PCDH15: variants seen among roughly 807,000 people sequenced by gnomAD.
PCDH15 encodes the protein protocadherin related 15.
PCDH15 carries 129 observed loss-of-function variants against 178.5 expected under a neutral mutation model. The observed-to-expected ratio is 0.72, with a 90% CI of 0.63 to 0.84. The LOEUF (loss-of-function observed/expected upper bound fraction) is 0.84. Ranked by LOEUF, PCDH15 falls within the 40% of genes least tolerant of loss-of-function variation. PCDH15 has a pLI of 0.00. For synonymous variants in PCDH15, 800 were observed against 732.0 expected, an observed-to-expected ratio of 1.09 and a Z score of -1.50; for missense variants, 2,230 against 2,099.9, an observed-to-expected ratio of 1.06 and a Z score of -1.21.
chr10:55,449,012 T>C (rs1839376696), intron 2 of PCDH15, among the ~76,000 whole-genome samples: 1 of 152,064 alleles, frequency 6.6e-6, no homozygotes, highest in African/African-American at 2.4e-5. Context: ...TTAATCCCAA[T>C]GTGTGCTAAT....
intron 2 of PCDH15, among the ~76,000 whole-genome samples, chr10:55,100,628 G>A (rs930356142): frequency 3.9e-5 from 6 of 152,084 alleles, no homozygotes; most frequent in African/African-American, 1.4e-4. Flanking sequence ...AGCAAGAGAG[G>A]GAGAGGTGTT....
At position 54,062,893 on chromosome 10, in the gene PCDH15, AAATT is replaced by A. The variant is rs1291743762; in HGVS notation, c.2220+3860_2220+3863del. On this transcript the variant is annotated intron_variant, in intron 18 of 37. Coordinates refer to ENST00000644397, the MANE Select transcript of PCDH15 (RefSeq NM_001384140.1). ...TGGGCTTTATCTCTCCAAGCTAAAT[AAATT>A]AAGAAAATGGGAAAGATCATTTTTG... 2.0e-5 allele frequency among the ~76,000 whole-genome samples: 3 copies of A among 152,344 alleles called. No homozygotes were observed. The South Asian group carries it at 6.2e-4, about 32-fold the overall frequency.
intron 7 of PCDH15, among the ~76,000 whole-genome samples, chr10:54,322,200 T>C (rs1033834115): frequency 1.3e-5 from 2 of 151,870 alleles, no homozygotes; most frequent in African/African-American, 4.8e-5. Flanking sequence ...AAATTGTGAG[T>C]GGTAAAAAAT....
rs148600175 is a variant in PCDH15 at position 55,292,392 on chromosome 10, G to A, written c.-156+27207C>T. Among the ~76,000 whole-genome samples the A allele has an allele frequency of 9.6e-3, 1,466 of 152,076 alleles. 23 individuals carry two copies. Among genetic ancestry groups the A allele is most frequent in the African/African-American group, 0.032 (1,338 of 41,498 alleles). ...ATTTTATTTTATTTTATTTCATGTTGTTTTTTGAGATGGAGTCTCACTCTT... is the reference window on the plus strand; with the variant it reads ...ATTTTATTTTATTTTATTTCATGTTATTTTTTGAGATGGAGTCTCACTCTT... On this transcript the variant is annotated intron_variant, in intron 1 of 5. Coordinates refer to the PCDH15 transcript ENST00000458638.
intron 2 of PCDH15, among the ~76,000 whole-genome samples, chr10:55,151,634 T>C (rs1838716862): frequency 6.6e-6 from 1 of 152,122 alleles, no homozygotes; most frequent in African/African-American, 2.4e-5. Context: ...AAAAATTTAA[T>C]AGTGAATCAC....
intron 1 of PCDH15, among the ~76,000 whole-genome samples, chr10:54,709,662 T>C (rs935311462): frequency 8.3e-6 from 1 of 121,074 alleles, no homozygotes; most frequent in Non-Finnish European, 1.8e-5. Flanking sequence ...TACATATTAA[T>C]GTATAGTTAT....
At chr10:54,048,131 G>GT (rs534104233) in intron 18 of PCDH15, among the ~76,000 whole-genome samples, 57 of 151,982 alleles carry the variant, frequency 3.8e-4, no homozygotes, top group Non-Finnish European at 7.1e-4. Flanking sequence ...TCTCATTCTG[G>GT]TTTTGATATG....
intron 2 of PCDH15, among the ~76,000 whole-genome samples, chr10:55,139,835 A>T: frequency 6.6e-6 from 1 of 151,966 alleles, no homozygotes; most frequent in Non-Finnish European, 1.5e-5. Flanking sequence ...GTATTTTAGT[A>T]TGAATTTGTC....
At chr10:55,007,954 G>T (rs1271713171) in intron 2 of PCDH15, among the ~76,000 whole-genome samples, 1 of 151,960 alleles carries the variant, frequency 6.6e-6, no homozygotes, top group Non-Finnish European at 1.5e-5. Context: ...ACTTATAAAA[G>T]ACATTTTAGA....
At chr10:55,402,588 C>T (rs1255724785) in intron 2 of PCDH15, among the ~76,000 whole-genome samples, 2 of 151,932 alleles carry the variant, frequency 1.3e-5, no homozygotes, top group South Asian at 2.1e-4. Flanking sequence ...TCTTTCTGTG[C>T]CTGGCTTATT....
chr10:55,481,323 C>A (rs1018631659), intron 2 of PCDH15, among the ~76,000 whole-genome samples: 6 of 151,456 alleles, frequency 4.0e-5, no homozygotes, highest in African/African-American at 1.5e-4. Context: ...TTTTTAGTGT[C>A]CCTGTCTCCT....
At chr10:54,831,440 T>C (rs1953226182) in intron 3 of PCDH15, among the ~76,000 whole-genome samples, 1 of 152,112 alleles carries the variant, frequency 6.6e-6, no homozygotes, top group African/African-American at 2.4e-5. Flanking sequence ...TCACATTATT[T>C]TTTTCTATTT....
intron 2 of PCDH15, among the ~76,000 whole-genome samples, chr10:55,453,133 C>T (rs1839471856): frequency 6.6e-6 from 1 of 152,120 alleles, no homozygotes; most frequent in Non-Finnish European, 1.5e-5. Flanking sequence ...GAGGGTTAAG[C>T]AAGCTGAGAC....
intron 2 of PCDH15, among the ~76,000 whole-genome samples, chr10:54,988,551 G>A: frequency 6.6e-6 from 1 of 152,310 alleles, no homozygotes; most frequent in African/African-American, 2.4e-5. Context: ...GGGAACTGGA[G>A]CAAAGGTGAC....
chr10:54,277,048 T>C (rs2058388615), intron 8 of PCDH15, among the ~76,000 whole-genome samples: 2 of 151,660 alleles, frequency 1.3e-5, no homozygotes, highest in South Asian at 4.1e-4. Flanking sequence ...GCACGTTTTT[T>C]TTCCTCTTTT....
intron 2 of PCDH15, among the ~76,000 whole-genome samples, chr10:54,634,639 CTG>C (rs1420740748): frequency 1.8e-4 from 28 of 151,820 alleles, no homozygotes; most frequent in Admixed American, 1.7e-3. Context: ...GGAAAAGAGA[CTG>C]AGAAAAAAAT....
intron 2 of PCDH15, among the ~76,000 whole-genome samples, chr10:54,909,257 C>A (rs890256607): frequency 6.6e-6 from 1 of 152,140 alleles, no homozygotes; most frequent in Non-Finnish European, 1.5e-5. Context: ...TGGGGCTTCA[C>A]CAAGACCCCA....
chr10:55,403,454 A>G (rs1250610364), intron 2 of PCDH15, among the ~76,000 whole-genome samples: 1 of 151,820 alleles, frequency 6.6e-6, no homozygotes, highest in Non-Finnish European at 1.5e-5. Context: ...TGCACACACC[A>G]ATCTCTTACA....
At chr10:54,167,737 C>T (rs1293558753) in intron 13 of PCDH15, among the ~76,000 whole-genome samples, 1 of 151,998 alleles carries the variant, frequency 6.6e-6, no homozygotes, top group Admixed American at 6.6e-5. Context: ...TCTCTTATTT[C>T]CGCACCCCAA....
Sources: gnomAD v4.1 joint callset for allele counts (sites outside exome capture counted in the v4.1 genomes callset) on GRCh38, gnomAD v4.1.1 for gene constraint, MANE v1.5 for transcripts, NCBI Gene and HGNC (gene_info 2026-07-23, HGNC 2026-07-21) for gene names.